The following ADAMTS9 variants were observed in gnomAD, a reference collection of about 807,000 sequenced individuals.
The protein encoded by ADAMTS9 is A disintegrin and metalloproteinase with thrombospondin motifs 9.
A neutral mutation model predicts 257.1 loss-of-function variants in ADAMTS9; 107 were observed. The observed-to-expected ratio is 0.42, with a 90% CI of 0.36 to 0.49. The LOEUF is 0.49. ADAMTS9 is among the 20% of genes least tolerant of loss of function. The pLI is 0.03. For missense variants in ADAMTS9, 2,353 were observed against 2,469.1 expected (o/e 0.95, Z 1.00); for synonymous variants, 982 against 880.9 (o/e 1.11, Z -2.03).
At chr3:64,612,649 C>T (rs567091958) in intron 22 of ADAMTS9, among the ~76,000 whole-genome samples, 1 of 152,262 alleles carries the variant, frequency 6.6e-6, no homozygotes, top group East Asian at 1.9e-4. Context: ...GACAGCTGTT[C>T]TACTTCTAAT....
intron 8 of ADAMTS9, among the ~76,000 whole-genome samples, chr3:64,653,772 A>C (rs963104280): frequency 6.6e-6 from 1 of 152,234 alleles, no homozygotes; most frequent in Non-Finnish European, 1.5e-5. Flanking sequence ...TCTAAAAAAC[A>C]AAAGGGAAAG....
chr3:64,545,362 T>C (rs2083183259), intron 32 of ADAMTS9, among the ~76,000 whole-genome samples: 1 of 152,230 alleles, frequency 6.6e-6, no homozygotes, highest in Non-Finnish European at 1.5e-5. Flanking sequence ...CTAACCCACA[T>C]GTCCACCAAT....
chr3:64,572,993 G>A (rs60655769), intron 28 of ADAMTS9, among the ~76,000 whole-genome samples: 1,614 of 149,740 alleles, frequency 0.011, 36 homozygotes, highest in African/African-American at 0.036. Context: ...AAGGAGAATC[G>A]CTTGAACCTG....
chr3:64,609,651 G>C (rs1405583362), intron 22 of ADAMTS9, among the ~76,000 whole-genome samples: 1 of 152,114 alleles, frequency 6.6e-6, no homozygotes, highest in African/African-American at 2.4e-5. Flanking sequence ...TAAATAAAAA[G>C]ATATTACATG....
Position 64,639,368 on chromosome 3 carries a change from T to C in ADAMTS9, c.1856+2480A>G, listed in dbSNP as rs181801435. Among the ~76,000 whole-genome samples, 270 of 141,566 alleles carry C rather than the reference T, an allele frequency of 1.9e-3. 1 individual carries two copies. The highest frequency in any genetic ancestry group is 8.1e-3 in the Middle Eastern group (2 of 248). 92.9% of individuals were successfully genotyped at this position (141,566 alleles called of 152,430 possible). On this transcript the variant is annotated intron_variant, in intron 12 of 39. Transcript: ENST00000498707. ...AAACAGCAGGGACAAGGACCTCTAA[T>C]TGAGGTCTTTAATGATCGGTTCTTA...
At chr3:64,614,052 A>G (rs1035558885) in intron 21 of ADAMTS9, among the ~76,000 whole-genome samples, 1 of 152,230 alleles carries the variant, frequency 6.6e-6, no homozygotes, top group Non-Finnish European at 1.5e-5. Flanking sequence ...ACATAAATGA[A>G]AAAATTATAA....
At chr3:64,586,404 CTGAGA>C (rs1054277265) in intron 28 of ADAMTS9, among the ~76,000 whole-genome samples, 1 of 152,084 alleles carries the variant, frequency 6.6e-6, no homozygotes, top group Non-Finnish European at 1.5e-5. Flanking sequence ...CATTCACTGT[CTGAGA>C]TATTTCAGAA....
intron 22 of ADAMTS9, among the ~76,000 whole-genome samples, chr3:64,608,483 T>C (rs1400373698): frequency 6.6e-6 from 1 of 152,052 alleles, no homozygotes; most frequent in Non-Finnish European, 1.5e-5. Context: ...ACATGTCTAC[T>C]GACCTTACAG....
intron 23 of ADAMTS9, 113 bp downstream of exon 23, chr3:64,606,847 T>C (rs1265353602): frequency 7.7e-7 from 1 of 1,294,324 alleles, no homozygotes; most frequent in Non-Finnish European, 1.1e-6. Flanking sequence ...AATCTACTGG[T>C]TGCTCTACTG....
chr3:64,550,826 A>G (rs748724322), intron 31 of ADAMTS9, 66 bp downstream of exon 31: 14 of 1,591,544 alleles, frequency 8.8e-6, no homozygotes, highest in Middle Eastern at 3.3e-4. Flanking sequence ...TCATCCCTCC[A>G]CTCATCCCTC....
At chr3:64,646,919 TGAGA>T (rs1700807655) in intron 11 of ADAMTS9, among the ~76,000 whole-genome samples, 1 of 152,088 alleles carries the variant, frequency 6.6e-6, no homozygotes, top group African/African-American at 2.4e-5. Context: ...GACAAGAAAC[TGAGA>T]AGTTTCTTGT....
chr3:64,649,603 T>C (rs199555886), intron 10 of ADAMTS9, 34 bp downstream of exon 10: 15 of 1,575,848 alleles, frequency 9.5e-6, no homozygotes, highest in Non-Finnish European at 1.2e-5. Context: ...GCAGAATCAG[T>C]AGATGAGGGC....
At chr3:64,681,410 T>C (rs1057338624) in intron 2 of ADAMTS9, 47 bp from the exon 3 acceptor site, 4 of 1,553,070 alleles carry the variant, frequency 2.6e-6, no homozygotes, top group Middle Eastern at 1.7e-4. Flanking sequence ...AACTCAGTCA[T>C]TGGGAGGAAA....
intron 3 of ADAMTS9, among the ~76,000 whole-genome samples, chr3:64,666,513 T>C (rs952657704): frequency 6.6e-6 from 1 of 152,198 alleles, no homozygotes; most frequent in African/African-American, 2.4e-5. Context: ...GAATCATCTG[T>C]GGTGTTCCAC....
intron 4 of ADAMTS9, among the ~76,000 whole-genome samples, chr3:64,657,550 A>G (rs1407210070): frequency 6.6e-6 from 1 of 151,748 alleles, no homozygotes; most frequent in Non-Finnish European, 1.5e-5. Flanking sequence ...TATAATGCCC[A>G]GGCTGGTCTT....
chr3:64,581,902 C>G (rs2084012816), intron 28 of ADAMTS9, among the ~76,000 whole-genome samples: 1 of 152,144 alleles, frequency 6.6e-6, no homozygotes, highest in Non-Finnish European at 1.5e-5. Flanking sequence ...AGGTTGATGA[C>G]AGTCTCTTGG....
intron 16 of ADAMTS9, among the ~76,000 whole-genome samples, chr3:64,626,781 A>G (rs753493653): frequency 1.3e-5 from 2 of 152,218 alleles, no homozygotes; most frequent in Non-Finnish European, 2.9e-5. Context: ...AGAATAAGTG[A>G]TTGATGGAGT....
intron 12 of ADAMTS9, 128 bp downstream of exon 12, chr3:64,641,720 G>A: frequency 1.6e-6 from 2 of 1,239,788 alleles, no homozygotes; most frequent in Non-Finnish European, 2.3e-6. Flanking sequence ...GGTCTAAGCA[G>A]CCCTTGAAGT....
At chr3:64,648,141 A>T (rs924741719) in intron 10 of ADAMTS9, 97 bp from the exon 11 acceptor site, 2 of 1,085,164 alleles carry the variant, frequency 1.8e-6, no homozygotes, top group Non-Finnish European at 2.7e-6. Flanking sequence ...TTCACCAATG[A>T]CATAGGGTAA....
Sources: gnomAD v4.1 joint callset for allele counts (sites outside exome capture counted in the v4.1 genomes callset) on GRCh38, gnomAD v4.1.1 for gene constraint, MANE v1.5 for transcripts, NCBI Gene and HGNC (gene_info 2026-07-23, HGNC 2026-07-21) for gene names.